The following TOX2 variants were observed in gnomAD, a reference collection of about 807,000 sequenced individuals.
TOX2 encodes the protein granulosa cell HMG box 1.
TOX2 carries 15 observed loss-of-function variants against 47.4 expected under a neutral mutation model. The ratio of observed to expected loss-of-function variants is 0.32; its 90% confidence interval spans 0.21 to 0.49. TOX2 has a LOEUF of 0.49. TOX2 is among the 20% of genes least tolerant of loss of function. The pLI is 0.99. For synonymous variants in TOX2, 290 were observed against 296.6 expected (o/e 0.98, Z 0.23); for missense variants, 622 against 673.1 (o/e 0.92, Z 0.84).
chr20:44,030,742 G>C (rs8120602), intron 3 of TOX2, among the ~76,000 whole-genome samples: 5,967 of 152,270 alleles, frequency 0.039, 129 homozygotes, highest in African/African-American at 0.059. Context: ...ATAGCAGATA[G>C]TTAATAAATA....
Position 43,914,996 on chromosome 20 carries a change from C to T in TOX2, c.99+6C>T. On this transcript the variant is annotated splice_donor_region_variant and intron_variant, in intron 1 of 8. Coordinates refer to ENST00000341197, the MANE Select transcript of TOX2 (RefSeq NM_001098797.2). The surrounding 1 kb of genome is among the most constrained non-coding windows in gnomAD (Gnocchi z 4.5). ...ACTATTACCACGGCGGCAAGGTAGG[C>T]GGGGGCGGGCGGGGGTCCCCGGCGG... 8.1e-7 allele frequency: 1 copy of T among 1,231,618 alleles called. No homozygotes were observed. Among genetic ancestry groups the T allele is most frequent in the Non-Finnish European group, 1.0e-6 (1 of 986,208 alleles). 76.3% of individuals were successfully genotyped at this position (1,231,618 alleles called of 1,614,324 possible).
intron 2 of TOX2, among the ~76,000 whole-genome samples, chr20:44,005,058 A>G (rs2070654967): frequency 6.6e-6 from 1 of 152,242 alleles, no homozygotes; most frequent in African/African-American, 2.4e-5. Context: ...ATCACTGTGT[A>G]CCCCATAAGT....
At position 44,068,663 on chromosome 20, in the gene TOX2, G is replaced by A. The variant is rs778746393; in HGVS notation, c.1498G>A (p.Asp500Asn). Residue 500 changes from aspartate to asparagine, a missense_variant, in exon 9 of 9, where the codon GAC (aspartate) becomes AAC (asparagine). This residue lies in a region of TOX2 where 294 missense variants were observed against 300.0 expected (regional missense o/e 0.98). Transcript: ENST00000341197. Reference sequence around the variant, plus strand: ...TCTCTCTCACAGCCTGCTCCCCAGGGACAAATCGCTCTACCTCACCTAATC... The same window carrying A: ...TCTCTCTCACAGCCTGCTCCCCAGGAACAAATCGCTCTACCTCACCTAATC... ...GISTCSLLPR[D>N]KSLYLT The A allele has an allele frequency of 3.1e-6, 5 of 1,613,498 alleles. No individual in the cohort carries two copies. In the South Asian group the frequency reaches 3.3e-5, roughly 11 times the overall value.
intron 8 of TOX2, among the ~76,000 whole-genome samples, chr20:44,068,385 G>A (rs141679550): frequency 3.9e-5 from 6 of 152,160 alleles, no homozygotes; most frequent in Non-Finnish European, 8.8e-5. Flanking sequence ...ATCGGCGTGC[G>A]CCTCGATGAA....
chr20:43,983,694 G>C (rs577533719), intron 2 of TOX2, among the ~76,000 whole-genome samples: 62 of 152,200 alleles, frequency 4.1e-4, no homozygotes, highest in African/African-American at 1.5e-3. Context: ...GTTTTTTCCA[G>C]CACTAAATGA....
intron 3 of TOX2, among the ~76,000 whole-genome samples, chr20:44,023,431 GAAAAAAA>G (rs35627597): frequency 2.4e-4 from 28 of 119,146 alleles, no homozygotes; most frequent in African/African-American, 8.8e-4. Flanking sequence ...CTTTATCTCA[GAAAAAAA>G]AAAAAAAAAA....
intron 1 of TOX2, among the ~76,000 whole-genome samples, chr20:43,956,986 G>A (rs1006611517): frequency 8.5e-5 from 13 of 152,250 alleles, no homozygotes; most frequent in South Asian, 4.2e-4. Flanking sequence ...CTTATAGTTG[G>A]TGCTGATATT....
At chr20:44,022,390 A>G (rs887125319) in intron 3 of TOX2, among the ~76,000 whole-genome samples, 6 of 152,208 alleles carry the variant, frequency 3.9e-5, no homozygotes, top group African/African-American at 1.4e-4. Flanking sequence ...TCATGATTAT[A>G]AAGTACTCAG....
chr20:44,039,124 TGCCGGGAGGCAAC>T, intron 3 of TOX2: 2 of 1,263,752 alleles, frequency 1.6e-6, no homozygotes, highest in South Asian at 2.5e-5. Flanking sequence ...CTTGAGCAGA[TGCCGGGAGGCAAC>T]GTGTGGAGAG....
chr20:44,066,622 C>G lies in TOX2; in HGVS notation c.1357-108C>G. 4.5e-6 allele frequency: 7 copies of G among 1,554,700 alleles called. No homozygotes were observed. In the South Asian group the frequency reaches 6.7e-5, roughly 15 times the overall value. On this transcript the variant is annotated intron_variant, in intron 7 of 8. Coordinates refer to ENST00000341197, the MANE Select transcript of TOX2 (RefSeq NM_001098797.2). ...GGCAGCAGCCCTGGAGGCAGCATCTCTTTGGTGTGGACACCCTTGGACACA... is the reference window on the plus strand; with the variant it reads ...GGCAGCAGCCCTGGAGGCAGCATCTGTTTGGTGTGGACACCCTTGGACACA...
At chr20:44,023,639 CACTG>C (rs2071013199) in intron 3 of TOX2, among the ~76,000 whole-genome samples, 1 of 152,226 alleles carries the variant, frequency 6.6e-6, no homozygotes, top group African/African-American at 2.4e-5. Flanking sequence ...TGTGTTCAGA[CACTG>C]ACTGGGCGTG....
At chr20:43,929,214 G>C (rs2069220798) in intron 1 of TOX2, among the ~76,000 whole-genome samples, 1 of 152,088 alleles carries the variant, frequency 6.6e-6, no homozygotes, top group African/African-American at 2.4e-5. Context: ...CCACAAAGCT[G>C]CTCAATGGCT....
chr20:44,066,115 G>C lies in TOX2; in HGVS notation c.1356+8G>C, dbSNP rs1052446583. 1.3e-6 allele frequency: 2 copies of C among 1,532,036 alleles called. No homozygotes were observed. The highest frequency in any genetic ancestry group is 2.7e-5 in the African/African-American group (2 of 73,318). 94.9% of individuals were successfully genotyped at this position (1,532,036 alleles called of 1,614,324 possible). On this transcript the variant is annotated splice_region_variant and intron_variant, in intron 7 of 8. Transcript: ENST00000341197. ...TCACCTCCAGGGCCACAGGTAAGCA[G>C]GGAAGAGCAGAACAGCCCTTCTGTG... is the stretch of plus-strand genomic sequence containing the variant.
chr20:44,034,862 C>G (rs1427278201), intron 3 of TOX2, among the ~76,000 whole-genome samples: 3 of 152,240 alleles, frequency 2.0e-5, no homozygotes, highest in Non-Finnish European at 4.4e-5. Flanking sequence ...CATAGACACC[C>G]TGTTGGCTCC....
chr20:44,046,213 G>GAAACATTA (rs893793803), intron 3 of TOX2, among the ~76,000 whole-genome samples: 12 of 152,154 alleles, frequency 7.9e-5, no homozygotes, highest in Admixed American at 2.0e-4. Flanking sequence ...ATGTAAGACA[G>GAAACATTA]AAACATTAAG....
rs1357882025 is a variant in TOX2, at chr20:43,924,064, T to G, written c.99+9074T>G. ...AGTTCCCTTGGGTGAAGGAGTTCAC[T>G]GCAGTAGAGGGCAGTCCCATTGAAG... On this transcript the variant is annotated intron_variant, in intron 1 of 8. Transcript: ENST00000341197. 3.3e-5 allele frequency among the ~76,000 whole-genome samples: 5 copies of G among 152,188 alleles called. No homozygotes were observed. The East Asian group carries it at 9.6e-4, about 29-fold the overall frequency.
intron 1 of TOX2, among the ~76,000 whole-genome samples, chr20:43,953,760 C>A (rs1272109632): frequency 6.6e-6 from 1 of 152,060 alleles, no homozygotes; most frequent in East Asian, 1.9e-4. Context: ...AGAGGTGGAT[C>A]TTTGTTTTGA....
intron 1 of TOX2, among the ~76,000 whole-genome samples, chr20:43,943,636 C>T (rs867858095): frequency 2.6e-5 from 4 of 151,956 alleles, no homozygotes; most frequent in African/African-American, 7.3e-5. Context: ...AGGGAGGAGG[C>T]AGAGGGAACA....
At chr20:43,933,159 C>G (rs753357619) in intron 1 of TOX2, among the ~76,000 whole-genome samples, 42 of 152,196 alleles carry the variant, frequency 2.8e-4, no homozygotes, top group Non-Finnish European at 4.8e-4. Context: ...TTGACCCCCA[C>G]AGGTGGTGAA....
Sources: allele counts gnomAD v4.1 joint callset (sites outside exome capture counted in the v4.1 genomes callset), GRCh38; gene constraint gnomAD v4.1.1; regional missense constraint gnomAD v4.1.1; non-coding constraint Gnocchi (gnomAD v3.1); transcripts MANE v1.5; gene names NCBI Gene and HGNC (gene_info 2026-07-23, HGNC 2026-07-21).